C8orf34: variants seen among roughly 807,000 people sequenced by gnomAD.
The protein encoded by C8orf34 is uncharacterized protein C8orf34.
Under a neutral mutation model 68.3 loss-of-function variants are expected in C8orf34, and 65 were observed. The ratio of observed to expected loss-of-function variants is 0.95; its 90% CI spans 0.78 to 1.17. C8orf34 has a LOEUF of 1.17. Among genes scored for constraint, C8orf34 ranks in the 50% most tolerant of loss-of-function variants. The pLI, the probability that C8orf34 is intolerant of heterozygous loss-of-function variation, is 0.00. For missense variants in C8orf34, 664 were observed against 655.4 expected (o/e 1.01, Z -0.14); for synonymous variants, 244 against 241.2 (o/e 1.01, Z -0.11).
intron 7 of C8orf34, among the ~76,000 whole-genome samples, chr8:68,544,098 C>G (rs1307842586): frequency 6.6e-6 from 1 of 152,058 alleles, no homozygotes. Flanking sequence ...GTTTGTTGAA[C>G]ACCAAAAGAA....
chr8:68,400,147 C>T (rs1228821644), intron 1 of C8orf34, among the ~76,000 whole-genome samples: 4 of 152,112 alleles, frequency 2.6e-5, no homozygotes, highest in African/African-American at 2.4e-5. Flanking sequence ...CTTTCCTTTG[C>T]TATGCAGAAG....
intron 1 of C8orf34, among the ~76,000 whole-genome samples, chr8:68,437,216 T>C (rs976982577): frequency 5.3e-5 from 8 of 152,210 alleles, no homozygotes; most frequent in Non-Finnish European, 1.0e-4. Flanking sequence ...TGGTTTATTA[T>C]GACTAAATAA....
chr8:68,783,595 A>G (rs1230942657), intron 11 of C8orf34, among the ~76,000 whole-genome samples: 1 of 151,996 alleles, frequency 6.6e-6, no homozygotes, highest in Non-Finnish European at 1.5e-5. Flanking sequence ...AGAAACTCAA[A>G]AGAATGCAAC....
intron 3 of C8orf34, among the ~76,000 whole-genome samples, chr8:68,467,339 A>G (rs569109528): frequency 2.0e-5 from 3 of 152,156 alleles, no homozygotes; most frequent in African/African-American, 7.2e-5. Flanking sequence ...TGCTTTGTTT[A>G]CTATGTACCC....
chr8:68,714,601 A>C (rs1000285700), intron 9 of C8orf34, among the ~76,000 whole-genome samples: 3 of 152,226 alleles, frequency 2.0e-5, no homozygotes, highest in African/African-American at 7.2e-5. Flanking sequence ...AAAACCACAA[A>C]ACACTGCTGA....
intron 7 of C8orf34, among the ~76,000 whole-genome samples, chr8:68,552,929 A>G (rs188316740): frequency 4.5e-4 from 69 of 152,048 alleles, no homozygotes; most frequent in African/African-American, 1.5e-3. Context: ...TGTTTCTATA[A>G]TTCCTTTTAT....
At chr8:68,720,846 T>C (rs1453258307) in intron 9 of C8orf34, among the ~76,000 whole-genome samples, 1 of 151,896 alleles carries the variant, frequency 6.6e-6, no homozygotes, top group Non-Finnish European at 1.5e-5. Flanking sequence ...TCAGGCTAAT[T>C]GCAACTTCTT....
intron 5 of C8orf34, among the ~76,000 whole-genome samples, chr8:68,494,772 C>A (rs919649671): frequency 6.6e-6 from 1 of 151,844 alleles, no homozygotes; most frequent in Non-Finnish European, 1.5e-5. Flanking sequence ...AGGAGAACCA[C>A]TTGAACACGG....
chr8:68,754,547 G>A (rs1017177955), intron 10 of C8orf34, among the ~76,000 whole-genome samples: 2 of 152,124 alleles, frequency 1.3e-5, no homozygotes, highest in Non-Finnish European at 2.9e-5. Context: ...AATTTCCCTG[G>A]GCCTTGAATA....
chr8:68,514,991 A>G (rs1373824882), intron 5 of C8orf34, among the ~76,000 whole-genome samples: 1 of 152,240 alleles, frequency 6.6e-6, no homozygotes, highest in Non-Finnish European at 1.5e-5. Context: ...GATATGAGTC[A>G]GAATGAGAAA....
intron 8 of C8orf34, among the ~76,000 whole-genome samples, chr8:68,671,950 T>C (rs1790873955): frequency 6.6e-6 from 1 of 152,224 alleles, no homozygotes; most frequent in South Asian, 2.1e-4. Context: ...ATGTTCACTC[T>C]ATCCTTTTTG....
At chr8:68,769,845 C>T (rs548123995) in intron 10 of C8orf34, among the ~76,000 whole-genome samples, 25 of 152,092 alleles carry the variant, frequency 1.6e-4, no homozygotes, top group Non-Finnish European at 2.9e-4. Context: ...TAACAACTCA[C>T]AGTTAAGTAG....
At chr8:68,768,591 A>G (rs2129528283) in intron 10 of C8orf34, among the ~76,000 whole-genome samples, 1 of 152,358 alleles carries the variant, frequency 6.6e-6, no homozygotes, top group African/African-American at 2.4e-5. Context: ...ATATCTCATA[A>G]TAACTCATTT....
At chr8:68,578,037 T>TA (rs960883475) in intron 7 of C8orf34, among the ~76,000 whole-genome samples, 23 of 149,758 alleles carry the variant, frequency 1.5e-4, no homozygotes, top group Middle Eastern at 3.4e-3. Context: ...TATAATAAGT[T>TA]AAAAAAAAAC....
chr8:68,678,882 A>T (rs959255951), intron 8 of C8orf34, among the ~76,000 whole-genome samples: 3 of 149,426 alleles, frequency 2.0e-5, no homozygotes, highest in African/African-American at 7.3e-5. Flanking sequence ...AAAAACTGTT[A>T]GAACTGATAA....
intron 1 of C8orf34, among the ~76,000 whole-genome samples, chr8:68,419,698 AATC>A (rs1809857470): frequency 6.6e-6 from 1 of 151,700 alleles, no homozygotes; most frequent in Non-Finnish European, 1.5e-5. Flanking sequence ...TGAAATTGGA[AATC>A]ATCATTCTCA....
At chr8:68,697,014 T>C (rs1287148916) in intron 8 of C8orf34, among the ~76,000 whole-genome samples, 1 of 152,080 alleles carries the variant, frequency 6.6e-6, no homozygotes, top group African/African-American at 2.4e-5. Context: ...TTTTCATGCG[T>C]ATTTTTCTCC....
intron 3 of C8orf34, among the ~76,000 whole-genome samples, chr8:68,456,909 C>T (rs1811577880): frequency 6.6e-6 from 1 of 152,120 alleles, no homozygotes; most frequent in African/African-American, 2.4e-5. Flanking sequence ...CACTGGTTAC[C>T]TATTGTATGG....
intron 2 of C8orf34, among the ~76,000 whole-genome samples, chr8:68,443,751 AC>A (rs1330836238): frequency 6.6e-6 from 1 of 152,118 alleles, no homozygotes; most frequent in Non-Finnish European, 1.5e-5. Flanking sequence ...TATTCAAAGT[AC>A]ATGGGTATCA....
Sources: gnomAD v4.1 joint callset for allele counts (sites outside exome capture counted in the v4.1 genomes callset) on GRCh38, gnomAD v4.1.1 for gene constraint, MANE v1.5 for transcripts, NCBI Gene and HGNC (gene_info 2026-07-23, HGNC 2026-07-21) for gene names.